GNAL: variants seen among roughly 807,000 people sequenced by gnomAD.
GNAL encodes the protein G protein subunit alpha L, also known as guanine nucleotide-binding protein G(olf) subunit alpha.
GNAL carries 18 observed loss-of-function variants against 55.1 expected under a neutral mutation model. The ratio of observed to expected loss-of-function variants is 0.33; its 90% confidence interval spans 0.23 to 0.48. The LOEUF (loss-of-function observed/expected upper bound fraction) is 0.48, where lower values mean the gene tolerates loss of function less well. GNAL is among the 20% of genes least tolerant of loss of function. The probability of loss-of-function intolerance (pLI) is 0.99; values close to 1 mark genes in which losing one functional copy is unlikely to be tolerated. For synonymous variants in GNAL, 253 were observed against 237.0 expected, an observed-to-expected ratio of 1.07 and a Z score of -0.62; for missense variants, 412 against 614.1, an observed-to-expected ratio of 0.67 and a Z score of 3.48.
At chr18:11,856,123 A>C (rs759152604) in intron 5 of GNAL, among the ~76,000 whole-genome samples, 2 of 151,496 alleles carry the variant, frequency 1.3e-5, no homozygotes, top group Non-Finnish European at 2.9e-5. Context: ...GCAATTCTGT[A>C]GCCAAAGTCC....
chr18:11,758,252 G>A (rs1399039698), intron 4 of GNAL, among the ~76,000 whole-genome samples: 1 of 152,188 alleles, frequency 6.6e-6, no homozygotes, highest in East Asian at 1.9e-4. Context: ...TGGCAGAGAG[G>A]TGAGGGAGGG....
At chr18:11,719,224 C>A (rs1196970253) in intron 1 of GNAL, among the ~76,000 whole-genome samples, 1 of 151,944 alleles carries the variant, frequency 6.6e-6, no homozygotes, top group African/African-American at 2.4e-5. Flanking sequence ...AATGTATCCT[C>A]ACAATTTAAA....
rs772266110 is a variant in GNAL at position 11,881,082 on chromosome 18, G to A, written c.1324G>A (p.Asp442Asn). Residue 442 changes from aspartate to asparagine, a missense_variant, in exon 12 of 12, where the codon GAC becomes AAC. By Grantham distance (23) the Asp-to-Asn change is conservative (BLOSUM62 1). Around this residue, in one of 5 missense-constraint regions of GNAL, gnomAD observed 79 missense variants for 127.1 expected, o/e 0.62. Transcript: ENST00000334049. This position sits in a 1 kb window ranked among gnomAD's most constrained non-coding sequence, Gnocchi z 4.8. ...AGAGAACATCCGCAGGGTGTTCAAC[G>A]ACTGCCGCGACATCATCCAGCGGAT... is the stretch of plus-strand genomic sequence containing the variant. ...DTENIRRVFN[D>N]CRDIIQRMHL... is the part of the protein sequence containing the mutation. 12 of 1,613,266 alleles carry A rather than the reference G, an allele frequency of 7.4e-6. No individual in the cohort carries two copies. The highest frequency in any genetic ancestry group is 2.2e-5 in the East Asian group (1 of 44,842).
intron 5 of GNAL, among the ~76,000 whole-genome samples, chr18:11,847,507 A>G (rs2143764772): frequency 6.6e-6 from 1 of 151,942 alleles, no homozygotes; most frequent in African/African-American, 2.4e-5. Context: ...GTATTATTTC[A>G]AAGTAAGGAA....
intron 4 of GNAL, among the ~76,000 whole-genome samples, chr18:11,766,565 C>T (rs1178464621): frequency 6.6e-6 from 1 of 152,222 alleles, no homozygotes; most frequent in Non-Finnish European, 1.5e-5. Context: ...GCGATCTTCT[C>T]AACCTACTTT....
At chr18:11,870,670 A>T in intron 9 of GNAL, among the ~76,000 whole-genome samples, 1 of 152,178 alleles carries the variant, frequency 6.6e-6, no homozygotes, top group African/African-American at 2.4e-5. Flanking sequence ...GCAGATTGGC[A>T]GAAGTGATTA....
chr18:11,743,330 A>C (rs1055514351), intron 1 of GNAL, among the ~76,000 whole-genome samples: 6 of 151,300 alleles, frequency 4.0e-5, no homozygotes, highest in Non-Finnish European at 5.9e-5. Flanking sequence ...AAAAAAAAAA[A>C]CCACCACTGT....
intron 4 of GNAL, among the ~76,000 whole-genome samples, chr18:11,821,600 T>G (rs540237549): frequency 6.6e-6 from 1 of 151,846 alleles, no homozygotes; most frequent in East Asian, 1.9e-4. Context: ...TGAGAAAGGG[T>G]ATTGCGAAGG....
intron 4 of GNAL, among the ~76,000 whole-genome samples, chr18:11,764,220 T>G (rs926134925): frequency 1.3e-5 from 2 of 152,144 alleles, no homozygotes; most frequent in African/African-American, 4.8e-5. Context: ...TTCTCCTGCC[T>G]CAGCCTCCTG....
chr18:11,843,478 T>G (rs2035662760), intron 5 of GNAL, among the ~76,000 whole-genome samples: 1 of 151,432 alleles, frequency 6.6e-6, no homozygotes, highest in Non-Finnish European at 1.5e-5. Context: ...TGAGCTGAGA[T>G]CGCACCACTG....
chr18:11,885,128 T>C lies in GNAL; in HGVS notation c.*3993T>C. The stretch of plus-strand genomic sequence containing the variant: ...GGAACAACAGTGGCAAATGTTTTCA[T>C]TTACTTTGAATTTGAAAATGTTAGG... On this transcript the variant is annotated 3_prime_UTR_variant, in exon 12 of 12. Coordinates refer to ENST00000334049, the MANE Select transcript of GNAL (RefSeq NM_182978.4). The C allele has an allele frequency of 4.7e-6, 5 of 1,053,490 alleles. 1 individual carries two copies. The South Asian group carries it at 6.2e-5, about 13-fold the overall frequency. 65.3% of individuals were successfully genotyped at this position (1,053,490 alleles called of 1,614,324 possible).
intron 5 of GNAL, among the ~76,000 whole-genome samples, chr18:11,856,743 G>T (rs5018704): frequency 0.13 from 20,221 of 151,828 alleles, 2,025 homozygotes; most frequent in African/African-American, 0.28. Flanking sequence ...CTGGCCAACA[G>T]GGTGAAACCC....
At chr18:11,835,166 C>T (rs1355492652) in intron 5 of GNAL, among the ~76,000 whole-genome samples, 2 of 152,172 alleles carry the variant, frequency 1.3e-5, no homozygotes, top group African/African-American at 4.8e-5. Context: ...ATGCATTTTA[C>T]ATTGAAAGAA....
intron 1 of GNAL, among the ~76,000 whole-genome samples, chr18:11,712,846 A>G (rs532894018): frequency 6.6e-6 from 1 of 152,214 alleles, no homozygotes; most frequent in East Asian, 1.9e-4. Context: ...TTCACAGACT[A>G]CATTCCCTGT....
At position 11,881,977 on chromosome 18, in the gene GNAL, T is replaced by C. The variant is rs1915525858; in HGVS notation, c.*842T>C. 1 of 152,642 alleles carries C rather than the reference T, an allele frequency of 6.6e-6. No homozygotes were observed. The highest frequency in any genetic ancestry group is 1.5e-5 in the Non-Finnish European group (1 of 68,028). 9.5% of individuals were successfully genotyped at this position (152,642 alleles called of 1,614,324 possible). ...TGTGTTTGTATTGTGCTGAAGAGCT[T>C]AATGTCAACATTACCTGCTGCTTAC... On this transcript the variant is annotated 3_prime_UTR_variant, in exon 12 of 12. Transcript: ENST00000334049. This position sits in a 1 kb window ranked among gnomAD's most constrained non-coding sequence, Gnocchi z 4.8.
intron 1 of GNAL, among the ~76,000 whole-genome samples, chr18:11,695,403 C>T (rs1468774354): frequency 6.6e-6 from 1 of 152,128 alleles, no homozygotes; most frequent in African/African-American, 2.4e-5. Flanking sequence ...TGGCAGAGGC[C>T]CTGGGTCTAC....
intron 4 of GNAL, among the ~76,000 whole-genome samples, chr18:11,757,754 C>T (rs1283148067): frequency 6.6e-6 from 1 of 152,056 alleles, no homozygotes; most frequent in Non-Finnish European, 1.5e-5. Context: ...ACCAGGTGGA[C>T]AGCTGGATGC....
At position 11,724,973 on chromosome 18, in the gene GNAL, G is replaced by A. The variant is rs533585700; in HGVS notation, c.377-27880G>A. On this transcript the variant is annotated intron_variant, in intron 1 of 11. Transcript: ENST00000334049. Reference sequence around the variant, plus strand: ...CATCTCCATCTGCCTCTGACACCTCGAGCACCATGGGGTCTGCTGGGTCAT... The same window carrying A: ...CATCTCCATCTGCCTCTGACACCTCAAGCACCATGGGGTCTGCTGGGTCAT... 1.6e-4 allele frequency among the ~76,000 whole-genome samples: 25 copies of A among 152,306 alleles called. 1 individual carries two copies. The South Asian group carries it at 4.4e-3, about 27-fold the overall frequency.
intron 1 of GNAL, among the ~76,000 whole-genome samples, chr18:11,701,561 CAA>C (rs36089846): frequency 6.6e-4 from 37 of 56,354 alleles, no homozygotes; most frequent in African/African-American, 1.2e-3. Flanking sequence ...GCAAGAATCT[CAA>C]AAAAAAAAAA....
Sources: gnomAD v4.1 joint callset for allele counts (sites outside exome capture counted in the v4.1 genomes callset) on GRCh38, gnomAD v4.1.1 for gene constraint, gnomAD v4.1.1 regional missense constraint, Gnocchi (gnomAD v3.1) non-coding constraint, MANE v1.5 for transcripts, NCBI Gene and HGNC (gene_info 2026-07-23, HGNC 2026-07-21) for gene names.